Variants in MAP3K20 observed in about 807,000 individuals in gnomAD.
MAP3K20 encodes the protein mitogen-activated protein kinase kinase kinase 20.
Under a neutral mutation model 85.7 loss-of-function variants are expected in MAP3K20, and 40 were observed. The observed-to-expected ratio is 0.47, with a 90% CI of 0.36 to 0.61. The LOEUF is 0.61. Ranked by LOEUF, MAP3K20 falls within the 20% of genes least tolerant of loss-of-function variation. The pLI is 0.00. For synonymous variants in MAP3K20, 325 were observed against 327.7 expected, an observed-to-expected ratio of 0.99 and a Z score of 0.09; for missense variants, 817 against 961.7, an observed-to-expected ratio of 0.85 and a Z score of 1.99.
rs755237928 is a variant in MAP3K20, at chr2:173,266,163, G to T, written c.1816G>T (p.Asp606Tyr). 3.7e-6 allele frequency: 6 copies of T among 1,614,040 alleles called. No homozygotes were observed. Among genetic ancestry groups the T allele is most frequent in the Non-Finnish European group, 5.1e-6 (6 of 1,179,992 alleles). The change falls in exon 20 of 20, where the codon GAT becomes TAT. Residue 606 changes from aspartate to tyrosine, a missense_variant. Around this residue, in one of 4 missense-constraint regions of MAP3K20, gnomAD observed 454 missense variants for 476.9 expected, o/e 0.95. Coordinates refer to ENST00000375213, the MANE Select transcript of MAP3K20 (RefSeq NM_016653.3). ...ILGSPFFSHF[D>Y]GQDSYAAAVR... The stretch of plus-strand genomic sequence containing the variant: ...GGGGTCACCGTTCTTCTCACACTTT[G>T]ATGGCCAGGATTCCTACGCTGCTGC...
intron 2 of MAP3K20, among the ~76,000 whole-genome samples, chr2:173,164,040 A>G (rs1574070410): frequency 6.6e-6 from 1 of 151,530 alleles, no homozygotes; most frequent in African/African-American, 2.4e-5. Flanking sequence ...GCTCACTGCA[A>G]CCTCCGCCTC....
chr2:173,134,418 A>ATT (rs1559246078), intron 2 of MAP3K20, among the ~76,000 whole-genome samples: 7 of 6,148 alleles, frequency 1.1e-3, no homozygotes, highest in African/African-American at 2.4e-3. Flanking sequence ...ATATATATAT[A>ATT]TATATATATA....
rs56330241 is a variant in MAP3K20, at chr2:173,134,428, A to ATATTTTT, written c.160-35376_160-35375insATTTTTT. Among the ~76,000 whole-genome samples, 4 of 3,156 alleles carry ATATTTTT rather than the reference A, an allele frequency of 1.3e-3. No homozygotes were observed. In the East Asian group the frequency reaches 0.013, roughly 11 times the overall value. 2.1% of individuals were successfully genotyped at this position (3,156 alleles called of 152,430 possible). ...TATATATATATATATATATATATAT[A>ATATTTTT]TTTTTTTTTTTTTTTTTTTGCAGAG... On this transcript the variant is annotated intron_variant, in intron 2 of 19. Transcript: ENST00000375213.
intron 16 of MAP3K20, among the ~76,000 whole-genome samples, chr2:173,246,438 G>A (rs556552236): frequency 3.3e-5 from 5 of 152,208 alleles, no homozygotes; most frequent in African/African-American, 9.6e-5. Flanking sequence ...GACTTCATGC[G>A]CTCCCCAGGG....
rs369430017 is a variant in MAP3K20, at chr2:173,213,262, CG to C, written c.851+3434del. Among the ~76,000 whole-genome samples the C allele has an allele frequency of 3.4e-3, 521 of 151,908 alleles. 2 individuals carry two copies. Among genetic ancestry groups the C allele is most frequent in the African/African-American group, 0.012 (493 of 41,418 alleles). ...GGGAAATAAAATTGATGATTGAGAA[CG>C]GGGGGGAAAAGGAGATACAAGACAG... is the stretch of plus-strand genomic sequence containing the variant. On this transcript the variant is annotated intron_variant, in intron 10 of 19. Coordinates refer to ENST00000375213, the MANE Select transcript of MAP3K20 (RefSeq NM_016653.3).
In MAP3K20 at chr2:173,266,461, C is replaced by T. The variant is rs1325447833; in HGVS notation, c.2114C>T (p.Pro705Leu). Residue 705 changes from proline (P) to leucine (L), a missense_variant, in exon 20 of 20, where the codon CCT (proline) becomes CTT (leucine). Coordinates refer to ENST00000375213, the MANE Select transcript of MAP3K20 (RefSeq NM_016653.3). Reference sequence around the variant, plus strand: ...AGTGGAAAGAGTCAGCATTCCACTCCTTCAAGAGGAAGATACCCTGGAAAG... The same window carrying T: ...AGTGGAAAGAGTCAGCATTCCACTCTTTCAAGAGGAAGATACCCTGGAAAG... Reference protein sequence around the residue: ...RYSGKSQHSTPSRGRYPGKFY... With the variant: ...RYSGKSQHSTLSRGRYPGKFY... 21 of 1,614,110 alleles carry T rather than the reference C, an allele frequency of 1.3e-5. No homozygotes were observed. Among genetic ancestry groups the T allele is most frequent in the Non-Finnish European group, 1.6e-5 (19 of 1,180,012 alleles).
At chr2:173,187,411 C>T (rs924905213) in intron 4 of MAP3K20, 147 bp from the exon 5 acceptor site, 24 of 612,606 alleles carry the variant, frequency 3.9e-5, no homozygotes, top group African/African-American at 3.8e-4. Context: ...CTAATGTAGA[C>T]ATATTCTGTT....
intron 2 of MAP3K20, among the ~76,000 whole-genome samples, chr2:173,151,423 T>A (rs1432488610): frequency 2.0e-5 from 3 of 152,152 alleles, no homozygotes; most frequent in African/African-American, 7.2e-5. Flanking sequence ...ATTTTATCAA[T>A]AGATAAGCTG....
chr2:173,242,899 G>T (rs537403417), intron 16 of MAP3K20, among the ~76,000 whole-genome samples: 3 of 151,822 alleles, frequency 2.0e-5, no homozygotes, highest in Non-Finnish European at 4.4e-5. Flanking sequence ...TACAGACAGG[G>T]TTTCACCATG....
At position 173,209,738 on chromosome 2, in the gene MAP3K20, T is replaced by C. The variant is rs1683817564; in HGVS notation, c.754T>C (p.Ser252Pro). The C allele has an allele frequency of 1.2e-6, 2 of 1,605,660 alleles. No homozygotes were observed. The highest frequency in any genetic ancestry group is 1.7e-6 in the Non-Finnish European group (2 of 1,176,982). The change falls in exon 10 of 20, where the codon TCA becomes CCA. Residue 252 changes from serine (S) to proline (P), a missense_variant. Physicochemically the swap from Ser to Pro is moderately conservative, Grantham distance 74 (BLOSUM62 -1). Coordinates refer to ENST00000375213, the MANE Select transcript of MAP3K20 (RefSeq NM_016653.3). The stretch of plus-strand genomic sequence containing the variant: ...ATTTTCTCTTCTTCAGAAACGGCCA[T>C]CATTCAAGCAAATCATTTCAATCCT... ...CWEADAKKRP[S>P]FKQIISILES...
chr2:173,245,582 C>T (rs190701660), intron 16 of MAP3K20, among the ~76,000 whole-genome samples: 4 of 152,304 alleles, frequency 2.6e-5, no homozygotes, highest in Admixed American at 6.5e-5. Flanking sequence ...ATAAGCGAAA[C>T]AGGTTTTACC....
chr2:173,113,560 G>C (rs1688033884), intron 2 of MAP3K20, among the ~76,000 whole-genome samples: 1 of 152,062 alleles, frequency 6.6e-6, no homozygotes, highest in South Asian at 2.1e-4. Context: ...CACTGCCTTT[G>C]CTGTATCCTA....
At chr2:173,115,746 C>T (rs1019911566) in intron 2 of MAP3K20, among the ~76,000 whole-genome samples, 1 of 152,150 alleles carries the variant, frequency 6.6e-6, no homozygotes, top group Non-Finnish European at 1.5e-5. Flanking sequence ...GTTGTCTGCA[C>T]AGAGTCCTGT....
chr2:173,224,842 T>C, intron 11 of MAP3K20: 4 of 985,002 alleles, frequency 4.1e-6, no homozygotes, highest in Non-Finnish European at 4.8e-6. Flanking sequence ...AAAAGGAATA[T>C]TTATTAGCCA....
chr2:173,208,572 T>C (rs1683768906), intron 9 of MAP3K20, among the ~76,000 whole-genome samples: 2 of 152,160 alleles, frequency 1.3e-5, no homozygotes, highest in Admixed American at 1.3e-4. Context: ...TGTGCCCTCT[T>C]CAAGGAAAGA....
chr2:173,251,957 A>G (rs1685049937), intron 16 of MAP3K20, among the ~76,000 whole-genome samples: 1 of 152,242 alleles, frequency 6.6e-6, no homozygotes, highest in Admixed American at 6.5e-5. Flanking sequence ...ATGTTGATAC[A>G]TGCAATTAAA....
At chr2:173,215,326 G>T (rs184625761) in intron 10 of MAP3K20, among the ~76,000 whole-genome samples, 86 of 152,244 alleles carry the variant, frequency 5.6e-4, no homozygotes, top group Non-Finnish European at 1.2e-4. Context: ...ACTGAAGATG[G>T]CTCACTCTTT....
chr2:173,097,177 G>A (rs1369805451), intron 2 of MAP3K20, among the ~76,000 whole-genome samples: 6 of 152,150 alleles, frequency 3.9e-5, no homozygotes, highest in Non-Finnish European at 1.5e-5. Flanking sequence ...TCAAGAGATC[G>A]AAACCCCGTC....
At chr2:173,131,579 G>A (rs562667073) in intron 2 of MAP3K20, among the ~76,000 whole-genome samples, 89 of 152,260 alleles carry the variant, frequency 5.8e-4, no homozygotes, top group Admixed American at 9.1e-4. Context: ...TAAGCCAAAG[G>A]GCTAGGCAGG....
Sources: gnomAD v4.1 joint callset for allele counts (sites outside exome capture counted in the v4.1 genomes callset) on GRCh38, gnomAD v4.1.1 for gene constraint, gnomAD v4.1.1 regional missense constraint, MANE v1.5 for transcripts, NCBI Gene and HGNC (gene_info 2026-07-23, HGNC 2026-07-21) for gene names.